The following IGFN1 variants were observed in gnomAD, a reference collection of about 807,000 sequenced individuals.
IGFN1 encodes immunoglobulin-like and fibronectin type III domain-containing protein 1.
IGFN1 carries 253 observed loss-of-function variants against 289.5 expected under a neutral mutation model. The ratio of observed to expected loss-of-function variants is 0.87; its 90% CI spans 0.79 to 0.97. The LOEUF (loss-of-function observed/expected upper bound fraction) is 0.97. Ranked by LOEUF, IGFN1 falls within the 50% of genes least tolerant of loss-of-function variation. IGFN1 has a pLI of 0.00. For missense variants in IGFN1, 4,470 were observed against 4,686.1 expected (o/e 0.95, Z 1.35); for synonymous variants, 1,706 against 1,788.5 (o/e 0.95, Z 1.16).
At chr1:201,194,336 G>C in intron 3 of IGFN1, 63 bp downstream of exon 3, 1 of 1,533,342 alleles carries the variant, frequency 6.5e-7, no homozygotes, top group Non-Finnish European at 8.8e-7. Flanking sequence ...TCCCAGGGGA[G>C]AGGGCTGGGG....
chr1:201,225,559 C>T (rs901162686), intron 21 of IGFN1, among the ~76,000 whole-genome samples: 1 of 152,210 alleles, frequency 6.6e-6, no homozygotes, highest in African/African-American at 2.4e-5. Context: ...TGCCACTGCA[C>T]TCCAGCCTGG....
Position 201,216,584 on chromosome 1 carries a change from G to T in IGFN1, c.9426G>T (p.Gln3142His). Residue 3142 changes from glutamine (Q) to histidine (H), a missense_variant, in exon 16 of 24, where the codon CAG becomes CAT. By Grantham distance (24) the Gln-to-His change is conservative (BLOSUM62 0). Transcript: ENST00000335211. ...TVECYVVERR[Q>H]AGRSTWLKVG... ...AGTGCTACGTGGTGGAGAGACGGCA[G>T]GCTGGCAGGAGCACTTGGCTGAAGG... is the stretch of plus-strand genomic sequence containing the variant. 6.2e-7 allele frequency: 1 copy of T among 1,613,658 alleles called. No individual in the cohort carries two copies. Among genetic ancestry groups the T allele is most frequent in the African/African-American group, 1.3e-5 (1 of 74,936 alleles).
At chr1:201,200,507 T>C in intron 8 of IGFN1, 96 bp downstream of exon 8, 1 of 975,698 alleles carries the variant, frequency 1.0e-6, no homozygotes, top group Non-Finnish European at 1.5e-6. Flanking sequence ...AGGCAGAACT[T>C]AGGAAACCAA....
Position 201,209,573 on chromosome 1 carries a change from A to G in IGFN1, c.4680A>G (p.Ser1560=). The G allele has an allele frequency of 6.6e-7, 1 of 1,526,278 alleles. No individual in the cohort carries two copies. The highest frequency in any genetic ancestry group is 8.8e-7 in the Non-Finnish European group (1 of 1,141,294). The allele number at this position is 1,526,278 out of a possible 1,614,324, so 94.5% of individuals were successfully genotyped here. A position where few individuals can be genotyped will look rare whatever the true frequency, so the allele number is the denominator to read the frequency against. ...DGLGGSEEMG[S]VNKAGYRKDL... is the part of the protein sequence containing the mutation. The stretch of plus-strand genomic sequence containing the variant: ...TAGGAGGTTCTGAAGAAATGGGGTC[A>G]GTGAATAAGGCAGGTTATAGGAAGG... The change falls in exon 12 of 24, where the codon TCA becomes TCG. Residue 1560 remains serine, a synonymous_variant. Transcript: ENST00000335211.
Position 201,207,866 on chromosome 1 carries a change from TAG to T in IGFN1, c.2976_2977del (p.Arg992SerfsTer4), listed in dbSNP as rs1667503856. 20 of 1,536,072 alleles carry T rather than the reference TAG, an allele frequency of 1.3e-5. No homozygotes were observed. Among genetic ancestry groups the T allele is most frequent in the Non-Finnish European group, 1.6e-5 (18 of 1,146,384 alleles). ...TGGGGTCCGGCCATGGTGCTGGTTG[TAG>T]AGTTTCCCCTAGGGCACCTGCGGGA... ...EMGSGHGAGC[R>X]VSPRAPAGVE... On this transcript the variant is annotated frameshift_variant, in exon 12 of 24. Coordinates refer to ENST00000335211, the MANE Select transcript of IGFN1 (RefSeq NM_001164586.2). LOFTEE classifies it high-confidence loss of function.
intron 22 of IGFN1, among the ~76,000 whole-genome samples, 186 bp downstream of exon 22, chr1:201,226,309 T>A (rs4915498): frequency 0.91 from 138,507 of 152,302 alleles, 63,119 homozygotes; most frequent in East Asian, 1. Context: ...ACCCACCTGT[T>A]CTGGCATCCT....
chr1:201,208,481 TG>T lies in IGFN1; in HGVS notation c.3592del (p.Ala1198ProfsTer113). 6.9e-7 allele frequency: 1 copy of T among 1,446,948 alleles called. No individual in the cohort carries two copies. The highest frequency in any genetic ancestry group is 9.0e-7 in the Non-Finnish European group (1 of 1,107,186). The allele number at this position is 1,446,948 out of a possible 1,614,324, so 89.6% of individuals were successfully genotyped here. A position where few individuals can be genotyped will look rare whatever the true frequency, so the allele number is the denominator to read the frequency against. On this transcript the variant is annotated frameshift_variant, in exon 12 of 24. Transcript: ENST00000335211. LOFTEE classifies it high-confidence loss of function. ...ACCCTGAGTCACTCGCACCTCACAATGGGGCCGCTTCTGGGAGCCAGTGGGC... is the reference window on the plus strand; with the variant it reads ...ACCCTGAGTCACTCGCACCTCACAATGGGCCGCTTCTGGGAGCCAGTGGGC... ...RHPESLAPHNGAASGSQWAYG... is the reference protein window; with the variant it reads ...RHPESLAPHNXAASGSQWAYG...
intron 4 of IGFN1, among the ~76,000 whole-genome samples, chr1:201,196,490 A>G (rs1031465986): frequency 3.9e-5 from 6 of 152,248 alleles, no homozygotes; most frequent in Non-Finnish European, 8.8e-5. Flanking sequence ...GATTACAGGC[A>G]TGCGCCATCA....
intron 4 of IGFN1, among the ~76,000 whole-genome samples, chr1:201,196,502 G>A (rs763663782): frequency 2.8e-4 from 42 of 152,104 alleles, no homozygotes; most frequent in Non-Finnish European, 5.0e-4. Flanking sequence ...GCGCCATCAC[G>A]CCCGACTAAT....
chr1:201,212,318 C>A lies in IGFN1; in HGVS notation c.7425C>A (p.Ile2475=), dbSNP rs1371577459. The A allele has an allele frequency of 1.0e-5, 16 of 1,536,508 alleles. No individual in the cohort carries two copies. The highest frequency in any genetic ancestry group is 1.4e-5 in the Non-Finnish European group (16 of 1,146,796). The change falls in exon 12 of 24, where the codon ATC becomes ATA. Residue 2475 remains isoleucine, a synonymous_variant. Transcript: ENST00000335211. The stretch of plus-strand genomic sequence containing the variant: ...TTGGGGGCTATGGAACTTCAGGGAT[C>A]CCTGAGGCCTCGGAGGCTGCTGGTG... ...KDLGGYGTSG[I]PEASEAAGAK... is the part of the protein sequence containing the mutation.
Position 201,218,619 on chromosome 1 carries a change from G to A in IGFN1, c.9859G>A (p.Gly3287Arg). Residue 3287 changes from glycine to arginine, a missense_variant, in exon 18 of 24, where the codon GGA becomes AGA. Transcript: ENST00000335211. ...AVAPSGPGEP[G>R]PPSDAVFARD... ...GGCTCCCTCAGGTCCCGGAGAGCCT[G>A]GACCTCCATCGGATGCTGTCTTTGC... 1 of 1,611,762 alleles carries A rather than the reference G, an allele frequency of 6.2e-7. No individual in the cohort carries two copies. Among genetic ancestry groups the A allele is most frequent in the Non-Finnish European group, 8.5e-7 (1 of 1,179,932 alleles).
chr1:201,205,305 T>C lies in IGFN1; in HGVS notation c.1140T>C (p.Tyr380=), dbSNP rs1667360541. ...RGARFSDMGP[Y]SLGTGLYTSS... ...CACGTTTCTCAGACATGGGCCCCTA[T>C]TCGCTGGGCACCGGGCTCTACACTT... Residue 380 remains tyrosine, a synonymous_variant, in exon 11 of 24, where the codon TAT becomes TAC. Coordinates refer to ENST00000335211, the MANE Select transcript of IGFN1 (RefSeq NM_001164586.2). The C allele has an allele frequency of 1.3e-6, 2 of 1,550,354 alleles. No homozygotes were observed. The highest frequency in any genetic ancestry group is 1.7e-6 in the Non-Finnish European group (2 of 1,146,542).
intron 9 of IGFN1, 40 bp from the exon 10 acceptor site, chr1:201,203,698 A>G: frequency 6.5e-7 from 1 of 1,543,172 alleles, no homozygotes; most frequent in Non-Finnish European, 8.8e-7. Flanking sequence ...AGCACTGAGG[A>G]CCCACTGAGG....
chr1:201,209,003 C>T lies in IGFN1; in HGVS notation c.4110C>T (p.Ile1370=), dbSNP rs1413648004. Residue 1370 remains isoleucine, a synonymous_variant, in exon 12 of 24, where the codon ATC becomes ATT. Coordinates refer to ENST00000335211, the MANE Select transcript of IGFN1 (RefSeq NM_001164586.2). ...YSGGLKGSRE[I]GSMDETDNRK... ...GTGGTTTAAAGGGTTCCAGGGAAAT[C>T]GGGTCAATGGATGAAACAGATAATA... 19 of 1,532,988 alleles carry T rather than the reference C, an allele frequency of 1.2e-5. No individual in the cohort carries two copies. The highest frequency in any genetic ancestry group is 2.4e-5 in the South Asian group (2 of 83,836). 95.0% of individuals were successfully genotyped at this position (1,532,988 alleles called of 1,614,324 possible). A position where few individuals can be genotyped will look rare whatever the true frequency, so the allele number is the denominator to read the frequency against.
In IGFN1 at chr1:201,206,158, C is replaced by A; in HGVS notation, c.1265C>A (p.Ala422Glu). The change falls in exon 12 of 24, where the codon GCA becomes GAA. Residue 422 changes from alanine (A) to glutamate (E), a missense_variant. Ala to Glu is a moderately radical substitution (Grantham distance 107, BLOSUM62 -1). Transcript: ENST00000335211. Reference sequence around the variant, plus strand: ...AGGCAAGGAGCCCAGGCATCAGGAGCAGAAGAGTCTGGGAGCATCGAGAGC... The same window carrying A: ...AGGCAAGGAGCCCAGGCATCAGGAGAAGAAGAGTCTGGGAGCATCGAGAGC... ...LQRQGAQASG[A>E]EESGSIESQG... is the part of the protein sequence containing the mutation. 6.4e-7 allele frequency: 1 copy of A among 1,550,802 alleles called. No homozygotes were observed. Among genetic ancestry groups the A allele is most frequent in the Non-Finnish European group, 8.7e-7 (1 of 1,146,898 alleles).
At chr1:201,200,543 C>A in intron 8 of IGFN1, 132 bp downstream of exon 8, 1 of 729,150 alleles carries the variant, frequency 1.4e-6, no homozygotes, top group Non-Finnish European at 2.3e-6. Context: ...CTGTCTCCAT[C>A]TAGTCCCCAG....
chr1:201,203,324 C>T (rs976791238), intron 9 of IGFN1, among the ~76,000 whole-genome samples: 2 of 152,158 alleles, frequency 1.3e-5, no homozygotes, highest in African/African-American at 4.8e-5. Context: ...TTATGGATAT[C>T]TGATGTTATT....
In IGFN1 at chr1:201,210,855, G is replaced by A. The variant is rs536989087; in HGVS notation, c.5962G>A (p.Glu1988Lys). 7.6e-5 allele frequency: 116 copies of A among 1,535,120 alleles called. No individual in the cohort carries two copies. The highest frequency in any genetic ancestry group is 9.6e-5 in the Non-Finnish European group (110 of 1,146,380). The change falls in exon 12 of 24, where the codon GAG becomes AAG. Residue 1988 changes from glutamate to lysine, a missense_variant. Glu to Lys is a moderately conservative substitution (Grantham distance 56). Coordinates refer to ENST00000335211, the MANE Select transcript of IGFN1 (RefSeq NM_001164586.2). ...EGFRDGLGGSEEMGSMDEAGY... is the reference protein window; with the variant it reads ...EGFRDGLGGSKEMGSMDEAGY... ...TTTCAGGGATGGTTTAGGGGGTTCT[G>A]AGGAAATGGGGTCAATGGATGAGGC...
chr1:201,199,431 C>T, intron 6 of IGFN1, 53 bp downstream of exon 6: 1 of 1,520,490 alleles, frequency 6.6e-7, no homozygotes, highest in Non-Finnish European at 8.9e-7. Context: ...ATAGGCTACT[C>T]CTTTCCTGGT....
Sources: gnomAD v4.1 joint callset for allele counts (sites outside exome capture counted in the v4.1 genomes callset) on GRCh38, gnomAD v4.1.1 for gene constraint, MANE v1.5 for transcripts, NCBI Gene and HGNC (gene_info 2026-07-23, HGNC 2026-07-21) for gene names.